SLC2A10: variants seen among roughly 807,000 people sequenced by gnomAD.
SLC2A10 encodes solute carrier family 2 member 10.
SLC2A10 carries 25 observed loss-of-function variants against 32.1 expected under a neutral mutation model. That is an observed-to-expected ratio of 0.78 (90% confidence interval 0.57 to 1.09). The LOEUF is 1.09. Ranked by LOEUF, SLC2A10 falls within the 50% of genes least tolerant of loss-of-function variation. SLC2A10 has a pLI of 0.00. For missense variants in SLC2A10, 673 were observed against 686.5 expected (o/e 0.98, Z 0.22); for synonymous variants, 332 against 309.6 (o/e 1.07, Z -0.76).
At chr20:46,717,119 A>G (rs1979292957) in intron 1 of SLC2A10, among the ~76,000 whole-genome samples, 1 of 152,186 alleles carries the variant, frequency 6.6e-6, no homozygotes, top group African/African-American at 2.4e-5. Flanking sequence ...ATTGCACAGC[A>G]TGGTTATAGA....
intron 1 of SLC2A10, among the ~76,000 whole-genome samples, chr20:46,716,383 C>T (rs1225817802): frequency 2.6e-5 from 4 of 152,002 alleles, no homozygotes; most frequent in Non-Finnish European, 5.9e-5. Flanking sequence ...GAACTCCTGG[C>T]CTCAAGTGAT....
chr20:46,709,776 G>A (rs1161980297), intron 1 of SLC2A10, 36 bp downstream of exon 1: 2 of 1,546,682 alleles, frequency 1.3e-6, no homozygotes, highest in Middle Eastern at 1.9e-4. Context: ...CTGGAAGCCC[G>A]ACCCCTTCCC....
At chr20:46,722,678 T>G (rs1466058594) in intron 1 of SLC2A10, among the ~76,000 whole-genome samples, 1 of 152,210 alleles carries the variant, frequency 6.6e-6, no homozygotes, top group East Asian at 1.9e-4. Flanking sequence ...TTACATGAAA[T>G]GATGCGTTTA....
chr20:46,711,839 C>A (rs143766174), intron 1 of SLC2A10, among the ~76,000 whole-genome samples: 2 of 152,310 alleles, frequency 1.3e-5, no homozygotes, highest in African/African-American at 4.8e-5. Context: ...CTATCAAATA[C>A]CCTTATCACA....
At chr20:46,718,708 T>G (rs1185861135) in intron 1 of SLC2A10, among the ~76,000 whole-genome samples, 1 of 152,144 alleles carries the variant, frequency 6.6e-6, no homozygotes, top group Non-Finnish European at 1.5e-5. Context: ...TTATTTATTC[T>G]CATTCAGTAG....
rs1308731656 is a variant in SLC2A10, at chr20:46,725,776, A to G, written c.740A>G (p.Gln247Arg). The G allele has an allele frequency of 6.2e-7, 1 of 1,614,216 alleles. No individual in the cohort carries two copies. Reference protein sequence around the residue: ...GLVLFQQLTGQPNVLCYASTI... With the variant: ...GLVLFQQLTGRPNVLCYASTI... The stretch of plus-strand genomic sequence containing the variant: ...GTGCTCTTCCAGCAACTAACAGGGC[A>G]GCCCAACGTGCTGTGCTATGCCTCC... Residue 247 changes from glutamine (Q) to arginine (R), a missense_variant, in exon 2 of 5, where the codon CAG becomes CGG. By Grantham distance (43) the Gln-to-Arg change is conservative (BLOSUM62 1). Transcript: ENST00000359271.
intron 1 of SLC2A10, among the ~76,000 whole-genome samples, chr20:46,721,450 AAAAGAG>A (rs1242310050): frequency 1.3e-5 from 2 of 152,072 alleles, no homozygotes; most frequent in Non-Finnish European, 2.9e-5. Context: ...AAAAAAAAAA[AAAAGAG>A]AGAGAGAGAC....
Position 46,709,662 on chromosome 20 carries a change from G to C in SLC2A10, c.-75G>C. 1 of 1,512,028 alleles carries C rather than the reference G, an allele frequency of 6.6e-7. No individual in the cohort carries two copies. Among genetic ancestry groups the C allele is most frequent in the Admixed American group, 2.0e-5 (1 of 48,798 alleles). 93.7% of individuals were successfully genotyped at this position (1,512,028 alleles called of 1,614,324 possible). A position where few individuals can be genotyped will look rare whatever the true frequency, so the allele number is the denominator to read the frequency against. ...GCCGGAAAGTTTGTCCGGCGGCAGC[G>C]GCGTTGGGGACTCCGGCGGGGGATG... On this transcript the variant is annotated 5_prime_UTR_variant, in exon 1 of 5. Coordinates refer to ENST00000359271, the MANE Select transcript of SLC2A10 (RefSeq NM_030777.4).
intron 1 of SLC2A10, among the ~76,000 whole-genome samples, chr20:46,720,217 A>G (rs1357620328): frequency 2.0e-5 from 3 of 152,208 alleles, no homozygotes; most frequent in Non-Finnish European, 4.4e-5. Context: ...CAGATACACA[A>G]GAAAGAAGCT....
chr20:46,720,785 A>G (rs1348655379), intron 1 of SLC2A10, among the ~76,000 whole-genome samples: 3 of 152,202 alleles, frequency 2.0e-5, no homozygotes, highest in African/African-American at 4.8e-5. Flanking sequence ...AACATCTTTC[A>G]TTAATGTGTC....
intron 1 of SLC2A10, among the ~76,000 whole-genome samples, chr20:46,722,132 T>TAA (rs3091944): frequency 6.7e-6 from 1 of 150,286 alleles, no homozygotes; most frequent in South Asian, 2.1e-4. Flanking sequence ...GGTTTCTCTT[T>TAA]AAAAAAAAAA....
upstream of SLC2A10, chr20:46,709,526 T>C: frequency 1.8e-6 from 1 of 544,456 alleles, no homozygotes; most frequent in Admixed American, 4.4e-5. Context: ...CCGGGGGCGG[T>C]CCTGGGCTCC....
At chr20:46,731,572 C>T (rs750100272) in intron 4 of SLC2A10, among the ~76,000 whole-genome samples, 4 of 152,090 alleles carry the variant, frequency 2.6e-5, no homozygotes, top group East Asian at 3.9e-4. Flanking sequence ...ACTGCAGCTG[C>T]GGGGTGTCAG....
rs75218052 is a variant in SLC2A10, at chr20:46,725,635, C to G, written c.599C>G (p.Pro200Arg). 136 of 1,614,138 alleles carry G rather than the reference C, an allele frequency of 8.4e-5. No homozygotes were observed. The East Asian group carries it at 2.9e-3, about 35-fold the overall frequency. The change falls in exon 2 of 5, where the codon CCA becomes CGA. Residue 200 changes from proline (P) to arginine (R), a missense_variant. By Grantham distance (103) the Pro-to-Arg change is moderately radical. Transcript: ENST00000359271. ...DETATHKDLI[P>R]LQGGEAPKLG... The stretch of plus-strand genomic sequence containing the variant: ...ACTGCAACACACAAGGACCTCATCC[C>G]ACTCCAGGGAGGTGAGGCCCCCAAG...
In SLC2A10 at chr20:46,725,553, G is replaced by A. The variant is rs1060502312; in HGVS notation, c.517G>A (p.Ala173Thr). 3.1e-6 allele frequency: 5 copies of A among 1,614,174 alleles called. No homozygotes were observed. The African/African-American group carries it at 6.7e-5, about 22-fold the overall frequency. The change falls in exon 2 of 5, where the codon GCA becomes ACA. Residue 173 changes from alanine to threonine, a missense_variant. Transcript: ENST00000359271. Reference protein sequence around the residue: ...GWRHMFGWATAPAVLQSLSLL... With the variant: ...GWRHMFGWATTPAVLQSLSLL... ...GAGGCACATGTTCGGCTGGGCCACT[G>A]CACCTGCTGTCCTGCAATCCCTCAG...
rs1157972424 is a variant in SLC2A10 at position 46,709,708 on chromosome 20, C to T, written c.-29C>T. On this transcript the variant is annotated 5_prime_UTR_variant, in exon 1 of 5. Coordinates refer to ENST00000359271, the MANE Select transcript of SLC2A10 (RefSeq NM_030777.4). ...GGATGCGCGCCCGGCCCCTCAGCGC[C>T]CCCAGCACGCCGCCGAGTCCCGCTC... is the stretch of plus-strand genomic sequence containing the variant. 1 of 1,541,900 alleles carries T rather than the reference C, an allele frequency of 6.5e-7. No homozygotes were observed. The highest frequency in any genetic ancestry group is 8.7e-7 in the Non-Finnish European group (1 of 1,144,304).
intron 1 of SLC2A10, among the ~76,000 whole-genome samples, chr20:46,712,104 T>C (rs776118747): frequency 7.0e-4 from 106 of 152,186 alleles, no homozygotes; most frequent in Non-Finnish European, 1.4e-3. Context: ...CATAGGATTG[T>C]CTAGGGATTA....
rs1404641717 is a variant in SLC2A10 at position 46,726,201 on chromosome 20, C to G, written c.1165C>G (p.Leu389Val). 3.1e-6 allele frequency: 5 copies of G among 1,614,192 alleles called. No individual in the cohort carries two copies. The highest frequency in any genetic ancestry group is 4.2e-6 in the Non-Finnish European group (5 of 1,180,048). ...TGGAGACCCCTCAGCCCCTCCTCGG[C>G]TGGCCCTGAGCTCTGCCCTCCCTGG... ...RSGDPSAPPR[L>V]ALSSALPGPP... Residue 389 changes from leucine to valine, a missense_variant, in exon 2 of 5, where the codon CTG (leucine) becomes GTG (valine). Transcript: ENST00000359271.
Position 46,730,101 on chromosome 20 carries a change from T to C in SLC2A10, c.1547+613T>C, listed in dbSNP as rs1379856742. Among the ~76,000 whole-genome samples the C allele has an allele frequency of 2.0e-5, 3 of 152,298 alleles. No homozygotes were observed. The East Asian group carries it at 5.8e-4, about 29-fold the overall frequency. ...AGTAGAATCTTAAAACCATAAACTATCTTAGAGTCACAGGACCTTGGAGTA... is the reference window on the plus strand; with the variant it reads ...AGTAGAATCTTAAAACCATAAACTACCTTAGAGTCACAGGACCTTGGAGTA... On this transcript the variant is annotated intron_variant, in intron 4 of 4. Coordinates refer to ENST00000359271, the MANE Select transcript of SLC2A10 (RefSeq NM_030777.4).
Sources: gnomAD v4.1 joint callset for allele counts (sites outside exome capture counted in the v4.1 genomes callset) on GRCh38, gnomAD v4.1.1 for gene constraint, MANE v1.5 for transcripts, NCBI Gene and HGNC (gene_info 2026-07-23, HGNC 2026-07-21) for gene names.